CAPN13: variants seen among roughly 807,000 people sequenced by gnomAD.
The protein encoded by CAPN13 is calpain 13, also known as calpain-13.
CAPN13 carries 90 observed loss-of-function variants against 98.4 expected under a neutral mutation model. The ratio of observed to expected loss-of-function variants is 0.92; its 90% CI spans 0.77 to 1.09. The LOEUF (loss-of-function observed/expected upper bound fraction) is 1.09. Ranked by LOEUF, CAPN13 falls within the 50% of genes least tolerant of loss-of-function variation. The probability of loss-of-function intolerance (pLI) is 0.00; values close to 1 mark genes in which losing one functional copy is unlikely to be tolerated. For synonymous variants in CAPN13, 330 were observed against 305.5 expected (o/e 1.08, Z -0.84); for missense variants, 887 against 841.3 (o/e 1.05, Z -0.67).
At chr2:30,776,100 C>T (rs930723613) in intron 3 of CAPN13, 55 bp from the exon 4 acceptor site, 7 of 1,194,506 alleles carry the variant, frequency 5.9e-6, no homozygotes, top group African/African-American at 1.5e-5. Flanking sequence ...GAAACCCTCC[C>T]CCATAATTTC....
intron 17 of CAPN13, chr2:30,737,547 G>A (rs973417631): frequency 3.9e-5 from 6 of 153,014 alleles, no homozygotes; most frequent in Admixed American, 6.5e-5. Flanking sequence ...TTGTAGCCAC[G>A]GGCCTGGAGT....
intron 4 of CAPN13, among the ~76,000 whole-genome samples, chr2:30,772,377 C>G (rs10195872): frequency 0.015 from 2,345 of 152,286 alleles, 69 homozygotes; most frequent in African/African-American, 0.053. Flanking sequence ...ACCCAGGCTC[C>G]CAGCAATGAG....
At chr2:30,759,392 T>A (rs1257150484) in intron 7 of CAPN13, among the ~76,000 whole-genome samples, 2 of 152,110 alleles carry the variant, frequency 1.3e-5, no homozygotes. Context: ...AGCCAACCCT[T>A]GAATCTGCAT....
Position 30,732,422 on chromosome 2 carries a change from C to G in CAPN13, c.1927+16G>C. The G allele has an allele frequency of 6.2e-7, 1 of 1,612,858 alleles. No individual in the cohort carries two copies. Among genetic ancestry groups the G allele is most frequent in the African/African-American group, 1.3e-5 (1 of 75,018 alleles). On this transcript the variant is annotated intron_variant, in intron 20 of 22. Coordinates refer to ENST00000295055, the MANE Select transcript of CAPN13 (RefSeq NM_144575.3). ...TCACTGCCAAGGTCTCTGGGATGCC[C>G]CTTGGGGACACTTACTTGCCATGGC...
chr2:30,805,366 T>G (rs1675549696), intron 1 of CAPN13, among the ~76,000 whole-genome samples: 1 of 152,026 alleles, frequency 6.6e-6, no homozygotes, highest in Non-Finnish European at 1.5e-5. Context: ...CCTCACTGCT[T>G]CCCCTTTTTC....
chr2:30,759,543 T>C (rs75481392), intron 7 of CAPN13, among the ~76,000 whole-genome samples: 5,663 of 152,296 alleles, frequency 0.037, 155 homozygotes, highest in South Asian at 0.073. Context: ...TGCTCCATGA[T>C]TCTTGGTCAG....
intron 1 of CAPN13, among the ~76,000 whole-genome samples, chr2:30,801,530 G>T (rs767515455): frequency 2.0e-5 from 3 of 150,784 alleles, no homozygotes; most frequent in Admixed American, 6.6e-5. Flanking sequence ...GCTTGAACCC[G>T]GGAGGCGGAG....
chr2:30,778,594 T>G (rs1673822181), intron 2 of CAPN13, among the ~76,000 whole-genome samples: 1 of 152,206 alleles, frequency 6.6e-6, no homozygotes, highest in South Asian at 2.1e-4. Flanking sequence ...ATTCATTTGC[T>G]CAGTAGCCAT....
At chr2:30,770,719 C>T (rs1179271097) in intron 4 of CAPN13, among the ~76,000 whole-genome samples, 3 of 152,216 alleles carry the variant, frequency 2.0e-5, no homozygotes, top group East Asian at 1.9e-4. Context: ...TGCTCCTCAG[C>T]GTTGCCTCTC....
chr2:30,799,845 G>A (rs557311091), intron 1 of CAPN13, among the ~76,000 whole-genome samples: 152 of 152,212 alleles, frequency 1.0e-3, no homozygotes, highest in Middle Eastern at 3.4e-3. Context: ...AGGCCAAGGT[G>A]GGCGGATCAC....
chr2:30,797,079 A>C (rs952957149), intron 1 of CAPN13, among the ~76,000 whole-genome samples: 2 of 152,178 alleles, frequency 1.3e-5, no homozygotes, highest in Non-Finnish European at 2.9e-5. Flanking sequence ...AGTCCAGCTA[A>C]ATAGACAGGA....
chr2:30,736,924 C>G (rs1473085399), intron 17 of CAPN13, among the ~76,000 whole-genome samples: 1 of 152,150 alleles, frequency 6.6e-6, no homozygotes, highest in East Asian at 1.9e-4. Context: ...ACCCCAGAAG[C>G]AGCAGCCACA....
chr2:30,783,049 T>C (rs1365583166), intron 2 of CAPN13, among the ~76,000 whole-genome samples: 1 of 152,214 alleles, frequency 6.6e-6, no homozygotes, highest in African/African-American at 2.4e-5. Flanking sequence ...TGGATGGTGC[T>C]GATCTATTTA....
chr2:30,768,219 C>T (rs1673205862), intron 5 of CAPN13, among the ~76,000 whole-genome samples: 2 of 152,184 alleles, frequency 1.3e-5, no homozygotes, highest in East Asian at 3.8e-4. Flanking sequence ...CCGATGGGGT[C>T]CTGACCCAGG....
chr2:30,734,387 G>A (rs376870347), intron 19 of CAPN13, 62 bp downstream of exon 19: 6 of 1,272,058 alleles, frequency 4.7e-6, no homozygotes, highest in Non-Finnish European at 5.7e-6. Flanking sequence ...TGCTACTAGG[G>A]GTGTGGGCAT....
At chr2:30,803,309 A>G (rs116563499) in intron 1 of CAPN13, among the ~76,000 whole-genome samples, 6,643 of 152,190 alleles carry the variant, frequency 0.044, 514 homozygotes, top group African/African-American at 0.15. Context: ...TCCCGAAGGC[A>G]GTGTGTGGCT....
rs1020387860 is a variant in CAPN13 at position 30,731,273 on chromosome 2, T to C, written c.1983+71A>G. On this transcript the variant is annotated intron_variant, in intron 21 of 22. Coordinates refer to ENST00000295055, the MANE Select transcript of CAPN13 (RefSeq NM_144575.3). ...CGTTCAATATCCTCAGGGAGAAAAATGCCCTCTGGAATCAAGTCAGGGGAG... is the reference window on the plus strand; with the variant it reads ...CGTTCAATATCCTCAGGGAGAAAAACGCCCTCTGGAATCAAGTCAGGGGAG... 2.9e-6 allele frequency: 4 copies of C among 1,377,148 alleles called. No individual in the cohort carries two copies. In the African/African-American group the frequency reaches 5.9e-5, roughly 20 times the overall value. The allele number at this position is 1,377,148 out of a possible 1,614,324, so 85.3% of individuals were successfully genotyped here.
At chr2:30,759,040 CT>C (rs1672656619) in intron 7 of CAPN13, among the ~76,000 whole-genome samples, 2 of 53,082 alleles carry the variant, frequency 3.8e-5, no homozygotes, top group African/African-American at 1.6e-4. Context: ...CCCTCCCTCC[CT>C]CCTTCCTTCC....
Position 30,787,126 on chromosome 2 carries a change from A to G in CAPN13, c.198+2T>C. The G allele has an allele frequency of 6.4e-7, 1 of 1,554,024 alleles. No individual in the cohort carries two copies. Among genetic ancestry groups the G allele is most frequent in the South Asian group, 1.2e-5 (1 of 83,414 alleles). Reference sequence around the variant, plus strand: ...GGGTATGCTCGTGTGGGGCTCACTCACCTGTGGCCGCTTCCATATCACATT... The same window carrying G: ...GGGTATGCTCGTGTGGGGCTCACTCGCCTGTGGCCGCTTCCATATCACATT... On this transcript the variant is annotated splice_donor_variant, in intron 2 of 22. Transcript: ENST00000295055. LOFTEE classifies it high-confidence loss of function.
Sources: allele counts gnomAD v4.1 joint callset (sites outside exome capture counted in the v4.1 genomes callset), GRCh38; gene constraint gnomAD v4.1.1; transcripts MANE v1.5; gene names NCBI Gene and HGNC (gene_info 2026-07-23, HGNC 2026-07-21).